The following WDFY4 variants were observed in gnomAD, a reference collection of about 807,000 sequenced individuals.
The protein encoded by WDFY4 is WD repeat- and FYVE domain-containing protein 4.
A neutral mutation model predicts 351.9 loss-of-function variants in WDFY4; 169 were observed. The ratio of observed to expected loss-of-function variants is 0.48; its 90% confidence interval spans 0.42 to 0.55. The LOEUF is 0.55. Ranked by LOEUF, WDFY4 falls within the 20% of genes least tolerant of loss-of-function variation. The pLI is 0.00. For synonymous variants in WDFY4, 1,622 were observed against 1,574.6 expected (o/e 1.03, Z -0.71); for missense variants, 3,803 against 3,935.6 (o/e 0.97, Z 0.90).
intron 15 of WDFY4, among the ~76,000 whole-genome samples, chr10:48,776,285 T>G (rs1216445022): frequency 6.6e-6 from 1 of 152,106 alleles, no homozygotes. Context: ...TAAGATCACA[T>G]AAGACCTCAA....
chr10:48,979,684 C>T (rs1842734143), intron 60 of WDFY4: 1 of 151,976 alleles, frequency 6.6e-6, no homozygotes, highest in Non-Finnish European at 1.5e-5. Flanking sequence ...AAAGTCACCT[C>T]AGAGCCATTC....
At chr10:48,689,090 G>A (rs1277352544) in intron 1 of WDFY4, among the ~76,000 whole-genome samples, 1 of 152,108 alleles carries the variant, frequency 6.6e-6, no homozygotes, top group Non-Finnish European at 1.5e-5. Flanking sequence ...TGGCCAACTG[G>A]CAGAAAGAAG....
At chr10:48,940,019 C>T (rs1479692621) in intron 47 of WDFY4, among the ~76,000 whole-genome samples, 1 of 152,246 alleles carries the variant, frequency 6.6e-6, no homozygotes, top group Non-Finnish European at 1.5e-5. Flanking sequence ...ATTCCTCTGT[C>T]CTCACTCCCC....
intron 51 of WDFY4, among the ~76,000 whole-genome samples, chr10:48,954,764 T>G (rs7098224): frequency 0.43 from 65,254 of 152,062 alleles, 14,765 homozygotes; most frequent in Non-Finnish European, 0.51. Context: ...GAAGACCCAT[T>G]AATTTTGAAA....
chr10:48,916,944 A>G (rs578167741), intron 47 of WDFY4, among the ~76,000 whole-genome samples: 46 of 151,796 alleles, frequency 3.0e-4, no homozygotes, highest in African/African-American at 1.1e-3. Context: ...GTTTTGGTCA[A>G]TGACAGATTG....
chr10:48,929,109 T>C (rs1420473256), intron 47 of WDFY4, among the ~76,000 whole-genome samples: 2 of 152,116 alleles, frequency 1.3e-5, no homozygotes, highest in Non-Finnish European at 2.9e-5. Flanking sequence ...TTTGAGAAGA[T>C]GATACCTGAG....
intron 39 of WDFY4, among the ~76,000 whole-genome samples, chr10:48,859,339 A>C (rs1325641789): frequency 6.6e-6 from 1 of 152,220 alleles, no homozygotes; most frequent in Non-Finnish European, 1.5e-5. Context: ...ACTAAATAAG[A>C]TGTTAGCTGT....
intron 2 of WDFY4, among the ~76,000 whole-genome samples, chr10:48,718,139 A>C (rs2063966488): frequency 6.6e-6 from 1 of 152,168 alleles, no homozygotes; most frequent in Admixed American, 6.6e-5. Context: ...ATCATTAATA[A>C]TTTGTTATTT....
chr10:48,770,317 G>A (rs1281704285), intron 13 of WDFY4, among the ~76,000 whole-genome samples: 1 of 152,110 alleles, frequency 6.6e-6, no homozygotes, highest in African/African-American at 2.4e-5. Flanking sequence ...TGCTATGTTG[G>A]GGGGAAAGAA....
chr10:48,788,537 C>A lies in WDFY4; in HGVS notation c.3816C>A (p.Asp1272Glu). Residue 1272 changes from aspartate (D) to glutamate (E), a missense_variant, in exon 21 of 62, where the codon GAC (aspartate) becomes GAA (glutamate). Asp to Glu is a conservative substitution (Grantham distance 45). Coordinates refer to ENST00000325239, the MANE Select transcript of WDFY4 (RefSeq NM_001394531.1). ...NFQAVHVQGE[D>E]LDSEATPFVA... Reference sequence around the variant, plus strand: ...AAAGATGTGTTGTTACAGGGGAGGACCTGGACAGTGAAGCCACGCCCTTTG... The same window carrying A: ...AAAGATGTGTTGTTACAGGGGAGGAACTGGACAGTGAAGCCACGCCCTTTG... The A allele has an allele frequency of 5.2e-6, 8 of 1,552,016 alleles. No homozygotes were observed. Among genetic ancestry groups the A allele is most frequent in the Non-Finnish European group, 7.0e-6 (8 of 1,147,034 alleles).
intron 35 of WDFY4, chr10:48,823,869 A>G (rs918838548): frequency 1.0e-6 from 1 of 986,092 alleles, no homozygotes; most frequent in South Asian, 4.7e-5. Context: ...TCTGAGGAGC[A>G]GGAGAGGAAC....
At chr10:48,885,186 CT>C (rs2070405979) in intron 43 of WDFY4, among the ~76,000 whole-genome samples, 1 of 152,118 alleles carries the variant, frequency 6.6e-6, no homozygotes, top group Non-Finnish European at 1.5e-5. Context: ...TAGGGCCCTA[CT>C]TTGCACCTGT....
intron 24 of WDFY4, among the ~76,000 whole-genome samples, chr10:48,796,854 G>A (rs1278684744): frequency 1.3e-5 from 2 of 152,308 alleles, no homozygotes; most frequent in South Asian, 2.1e-4. Context: ...TCTTGAAAGG[G>A]GTGAGTTAAG....
At position 48,776,788 on chromosome 10, in the gene WDFY4, C is replaced by T; in HGVS notation, c.2902C>T (p.Pro968Ser). 6.5e-7 allele frequency: 1 copy of T among 1,541,766 alleles called. No homozygotes were observed. Among genetic ancestry groups the T allele is most frequent in the Non-Finnish European group, 8.8e-7 (1 of 1,138,862 alleles). The change falls in exon 16 of 62, where the codon CCA becomes TCA. Residue 968 changes from proline (P) to serine (S), a missense_variant. Physicochemically the swap from Pro to Ser is moderately conservative, Grantham distance 74. This residue lies in a region of WDFY4 where 3,054 missense variants were observed against 3,148.6 expected (regional missense o/e 0.97). Transcript: ENST00000325239. Reference protein sequence around the residue: ...TAQGLAEGPWPAAPDAGLHPG... With the variant: ...TAQGLAEGPWSAAPDAGLHPG... ...ACAGGGCTTGGCTGAGGGGCCCTGG[C>T]CAGCTGCCCCAGATGCTGGGCTGCA...
chr10:48,817,556 T>C (rs2067664785), intron 32 of WDFY4, 147 bp downstream of exon 32: 1 of 1,061,072 alleles, frequency 9.4e-7, no homozygotes. Flanking sequence ...GCAGCTTGGA[T>C]AACCATCCTT....
chr10:48,882,153 C>T (rs2070277390), intron 43 of WDFY4, among the ~76,000 whole-genome samples: 1 of 152,132 alleles, frequency 6.6e-6, no homozygotes, highest in Admixed American at 6.5e-5. Flanking sequence ...GCTCACATGC[C>T]TTAGGACCCA....
rs138984262 is a variant in WDFY4, at chr10:48,728,526, C to T, written c.971+867C>T. Among the ~76,000 whole-genome samples, 700 of 152,332 alleles carry T rather than the reference C, an allele frequency of 4.6e-3. 5 individuals are homozygous for T. The highest frequency in any genetic ancestry group is 0.016 in the African/African-American group (678 of 41,570). ...CTCCTCTGAGGGGTATATCTACTAC[C>T]GCACTTCACACACTTCACTACAGAG... On this transcript the variant is annotated intron_variant, in intron 7 of 61. Transcript: ENST00000325239.
At chr10:48,713,181 G>A (rs574754872) in intron 2 of WDFY4, among the ~76,000 whole-genome samples, 1 of 152,310 alleles carries the variant, frequency 6.6e-6, no homozygotes, top group South Asian at 2.1e-4. Flanking sequence ...GGTGATCTAT[G>A]TTGTAGTTGG....
chr10:48,791,121 A>G (rs765995463), intron 23 of WDFY4, among the ~76,000 whole-genome samples: 5 of 152,246 alleles, frequency 3.3e-5, no homozygotes, highest in Non-Finnish European at 5.9e-5. Flanking sequence ...TCTGCTCAGG[A>G]TGAGGATGCT....
Sources: gnomAD v4.1 joint callset for allele counts (sites outside exome capture counted in the v4.1 genomes callset) on GRCh38, gnomAD v4.1.1 for gene constraint, gnomAD v4.1.1 regional missense constraint, MANE v1.5 for transcripts, NCBI Gene and HGNC (gene_info 2026-07-23, HGNC 2026-07-21) for gene names.